The following TBC1D26 variants were observed in gnomAD, a reference collection of about 807,000 sequenced individuals.
TBC1D26 encodes TBC1 domain family member 26.
In TBC1D26, 19 loss-of-function variants were observed where a neutral mutation model predicts 42.5. The observed-to-expected ratio is 0.45, with a 90% confidence interval of 0.31 to 0.66. The LOEUF (loss-of-function observed/expected upper bound fraction) is 0.66. TBC1D26 is among the 30% of genes least tolerant of loss of function. TBC1D26 has a pLI of 0.06. For synonymous variants in TBC1D26, 97 were observed against 123.5 expected (o/e 0.79, Z 1.42); for missense variants, 228 against 332.6 (o/e 0.69, Z 2.45).
At chr17:15,740,789 C>T in intron 9 of TBC1D26, 1 of 882,602 alleles carries the variant, frequency 1.1e-6, no homozygotes, top group Non-Finnish European at 1.5e-6. Context: ...AGGTGCAGTT[C>T]ACAGGTGCTG....
chr17:15,733,732 T>C (rs1382621539), intron 1 of TBC1D26: 1 of 152,414 alleles, frequency 6.6e-6, no homozygotes, highest in African/African-American at 2.4e-5. Flanking sequence ...GGACACCGAC[T>C]CTGGGCCCAC....
chr17:15,743,490 A>G lies in TBC1D26; in HGVS notation c.1031A>G (p.Lys344Arg). The change falls in exon 14 of 15, where the codon AAA (lysine) becomes AGA (arginine). Residue 344 changes from lysine (K) to arginine (R), a missense_variant. This residue lies in a region of TBC1D26 where 130 missense variants were observed against 168.5 expected (regional missense o/e 0.77). Coordinates refer to ENST00000437605, the MANE Select transcript of TBC1D26 (RefSeq NM_001388465.1). ...CAAACCTCTATGAAGGAACTCACAA[A>G]AAAACACTGGGACCTGCCACCCCCA... ...NLQTSMKELT[K>R]KHWDLPPPGS... is the part of the protein sequence containing the mutation. The G allele has an allele frequency of 1.0e-6, 1 of 995,474 alleles. No homozygotes were observed. The highest frequency in any genetic ancestry group is 1.2e-6 in the Non-Finnish European group (1 of 834,676). 61.7% of individuals were successfully genotyped at this position (995,474 alleles called of 1,614,324 possible). A position where few individuals can be genotyped will look rare whatever the true frequency, so the allele number is the denominator to read the frequency against.
rs1409901374 is a variant in TBC1D26 at position 15,741,928 on chromosome 17, C to G, written c.647-14C>G. Reference sequence around the variant, plus strand: ...CGTGGGGTCTGATGGGGTGATGGGTCGCGGGCTTCTCAGTATTCTACAGCC... The same window carrying G: ...CGTGGGGTCTGATGGGGTGATGGGTGGCGGGCTTCTCAGTATTCTACAGCC... On this transcript the variant is annotated splice_polypyrimidine_tract_variant and intron_variant, in intron 10 of 14. Coordinates refer to ENST00000437605, the MANE Select transcript of TBC1D26 (RefSeq NM_001388465.1). The G allele has an allele frequency of 6.2e-7, 1 of 1,613,052 alleles. No homozygotes were observed. Among genetic ancestry groups the G allele is most frequent in the South Asian group, 1.1e-5 (1 of 90,916 alleles).
chr17:15,744,114 GAGA>G (rs1235672393), intron 14 of TBC1D26, 126 bp from the exon 15 acceptor site: 3 of 152,278 alleles, frequency 2.0e-5, no homozygotes, highest in South Asian at 4.2e-4. Flanking sequence ...GGGTTGCTGG[GAGA>G]AGATGTCATA....
At chr17:15,739,074 AAG>A (rs1439185261) in intron 8 of TBC1D26, among the ~76,000 whole-genome samples, 6 of 147,322 alleles carry the variant, frequency 4.1e-5, no homozygotes, top group Admixed American at 6.9e-5. Context: ...CAGAAAAAAA[AAG>A]AGTCATGCAG....
chr17:15,734,420 C>T (rs778436424), intron 1 of TBC1D26, among the ~76,000 whole-genome samples: 2 of 152,048 alleles, frequency 1.3e-5, no homozygotes, highest in Non-Finnish European at 1.5e-5. Context: ...ACCCACTGGA[C>T]ACATGGGGTC....
In TBC1D26 at chr17:15,738,217, G is replaced by A. The variant is rs1403259516; in HGVS notation, c.280-63G>A. ...TTGCCATAGGACTGCAGGCCTGTTCGCCAGCTTTGCTCTGCGGGGTCGCCC... is the reference window on the plus strand; with the variant it reads ...TTGCCATAGGACTGCAGGCCTGTTCACCAGCTTTGCTCTGCGGGGTCGCCC... On this transcript the variant is annotated intron_variant, in intron 6 of 14. Transcript: ENST00000437605. 25 of 1,607,192 alleles carry A rather than the reference G, an allele frequency of 1.6e-5. No individual in the cohort carries two copies. The Admixed American group carries it at 1.7e-4, about 11-fold the overall frequency.
chr17:15,737,632 C>A, intron 5 of TBC1D26, 109 bp downstream of exon 5: 1 of 1,264,054 alleles, frequency 7.9e-7, no homozygotes, highest in East Asian at 2.4e-5. Flanking sequence ...GAGTGGGCCA[C>A]GGCTGTCACT....
intron 9 of TBC1D26, 153 bp from the exon 10 acceptor site, chr17:15,740,968 GC>G: frequency 1.0e-6 from 1 of 974,176 alleles, no homozygotes; most frequent in Non-Finnish European, 1.5e-6. Flanking sequence ...CATGTCCAGT[GC>G]CAGGGGAGGG....
At chr17:15,736,840 G>A (rs1404482358) in intron 4 of TBC1D26, among the ~76,000 whole-genome samples, 2 of 152,296 alleles carry the variant, frequency 1.3e-5, no homozygotes, top group African/African-American at 4.8e-5. Context: ...CTCACTCAGA[G>A]GTTCTGAAAG....
At chr17:15,740,590 G>A (rs2151502237) in intron 9 of TBC1D26, 1 of 1,092,392 alleles carries the variant, frequency 9.2e-7, no homozygotes, top group Non-Finnish European at 1.1e-6. Flanking sequence ...AGGGAGGGGG[G>A]TCACCCAGGT....
intron 8 of TBC1D26, among the ~76,000 whole-genome samples, chr17:15,739,531 A>G (rs1004828173): frequency 5.9e-5 from 9 of 152,276 alleles, no homozygotes; most frequent in African/African-American, 2.2e-4. Flanking sequence ...CAATGCCCGC[A>G]GGAACATGGG....
chr17:15,743,519 G>A lies in TBC1D26; in HGVS notation c.1057+3G>A, dbSNP rs563779521. 3.4e-4 allele frequency: 338 copies of A among 1,000,744 alleles called. No individual in the cohort carries two copies. The highest frequency in any genetic ancestry group is 3.8e-4 in the Non-Finnish European group (320 of 835,682). The allele number at this position is 1,000,744 out of a possible 1,614,324, so 62.0% of individuals were successfully genotyped here. A position where few individuals can be genotyped will look rare whatever the true frequency, so the allele number is the denominator to read the frequency against. ...ACACTGGGACCTGCCACCCCCAGGT[G>A]GGCTCTAGCACCAGGTACCCTCTGG... On this transcript the variant is annotated splice_donor_region_variant and intron_variant, in intron 14 of 14. Coordinates refer to ENST00000437605, the MANE Select transcript of TBC1D26 (RefSeq NM_001388465.1).
intron 8 of TBC1D26, among the ~76,000 whole-genome samples, chr17:15,739,373 A>G (rs1967709690): frequency 6.6e-6 from 1 of 152,276 alleles, no homozygotes; most frequent in African/African-American, 2.4e-5. Flanking sequence ...CTGACGTCCA[A>G]GTAAAACCCG....
rs1444109999 is a variant in TBC1D26, at chr17:15,744,593, C to T, written c.*1C>T. ...GCTCTTGACACCCTCTGGCTCCTGA[C>T]ACCCTCTCTTCGGCTGCCTGCGTTA... On this transcript the variant is annotated 3_prime_UTR_variant, in exon 15 of 15. Transcript: ENST00000437605. 1 of 152,224 alleles carries T rather than the reference C, an allele frequency of 6.6e-6. No homozygotes were observed. Among genetic ancestry groups the T allele is most frequent in the African/African-American group, 2.4e-5 (1 of 41,446 alleles). The allele number at this position is 152,224 out of a possible 1,614,324, so 9.4% of individuals were successfully genotyped here. A position where few individuals can be genotyped will look rare whatever the true frequency, so the allele number is the denominator to read the frequency against.
chr17:15,740,397 C>G, intron 9 of TBC1D26: 1 of 1,434,002 alleles, frequency 7.0e-7, no homozygotes, highest in Non-Finnish European at 9.1e-7. Flanking sequence ...AGCCTAGGAG[C>G]TTGGCAGGGT....
At chr17:15,740,261 G>T (rs764924590) in intron 9 of TBC1D26, 113 bp downstream of exon 9, 7 of 1,612,134 alleles carry the variant, frequency 4.3e-6, no homozygotes, top group African/African-American at 4.0e-5. Flanking sequence ...CCACCAGGAC[G>T]TAGTAGGCAG....
chr17:15,738,498 T>G, intron 7 of TBC1D26, 111 bp downstream of exon 7: 9 of 1,392,336 alleles, frequency 6.5e-6, no homozygotes, highest in Non-Finnish European at 9.0e-6. Context: ...GGGGCTGTGG[T>G]CAGACGCACA....
At chr17:15,740,075 A>G in intron 8 of TBC1D26, 25 bp from the exon 9 acceptor site, 1 of 1,602,644 alleles carries the variant, frequency 6.2e-7, no homozygotes, top group Non-Finnish European at 8.5e-7. Flanking sequence ...CACAAAAAAA[A>G]AACCCTCTTT....
Sources: gnomAD v4.1 joint callset for allele counts (sites outside exome capture counted in the v4.1 genomes callset) on GRCh38, gnomAD v4.1.1 for gene constraint, gnomAD v4.1.1 regional missense constraint, MANE v1.5 for transcripts, NCBI Gene and HGNC (gene_info 2026-07-23, HGNC 2026-07-21) for gene names.